Variants in BAIAP2L1 observed in about 807,000 individuals in gnomAD.
BAIAP2L1 encodes BAR/IMD domain containing adaptor protein 2 like 1, also known as BAR/IMD domain-containing adapter protein 2-like 1.
In BAIAP2L1, 35 loss-of-function variants were observed where a neutral mutation model predicts 66.3. The ratio of observed to expected loss-of-function variants is 0.53; its 90% CI spans 0.40 to 0.70. The LOEUF (loss-of-function observed/expected upper bound fraction) is 0.70. BAIAP2L1 is among the 30% of genes least tolerant of loss of function. BAIAP2L1 has a pLI of 0.00. For missense variants in BAIAP2L1, 622 were observed against 656.9 expected (o/e 0.95, Z 0.58); for synonymous variants, 269 against 248.7 (o/e 1.08, Z -0.77).
Position 98,317,292 on chromosome 7 carries a change from G to T in BAIAP2L1, c.413C>A (p.Ala138Asp). The T allele has an allele frequency of 3.7e-6, 6 of 1,614,132 alleles. No individual in the cohort carries two copies. The highest frequency in any genetic ancestry group is 5.1e-6 in the Non-Finnish European group (6 of 1,179,990). Residue 138 changes from alanine (A) to aspartate (D), a missense_variant, in exon 6 of 14, where the codon GCT (alanine) becomes GAT (aspartate). Ala to Asp is a moderately radical substitution (Grantham distance 126). Transcript: ENST00000005260. ...NKLESLEKSQAELKKIRRKSQ... is the reference protein window; with the variant it reads ...NKLESLEKSQDELKKIRRKSQ... ...TTTCCTTCTGATCTTCTTCAACTCA[G>T]CTTGGGATTTCTCCAAAGACTCTAA...
intron 1 of BAIAP2L1, among the ~76,000 whole-genome samples, chr7:98,368,076 G>C (rs1171130420): frequency 6.6e-6 from 1 of 152,052 alleles, no homozygotes; most frequent in East Asian, 1.9e-4. Context: ...CTCACCTCTG[G>C]CAATTCCTGA....
At chr7:98,395,685 A>G (rs542560698) in intron 1 of BAIAP2L1, among the ~76,000 whole-genome samples, 1 of 152,332 alleles carries the variant, frequency 6.6e-6, no homozygotes, top group East Asian at 1.9e-4. Flanking sequence ...GTCAGCAGAT[A>G]AGTTAAACTA....
In BAIAP2L1 at chr7:98,292,198, A is replaced by G. The variant is rs1196424664; in HGVS notation, c.*1323T>C. ...CTCAGCCTCATAGGATACTACACTT[A>G]TGGCAAGGCTAAAGGAGAGGGGATA... On this transcript the variant is annotated 3_prime_UTR_variant, in exon 14 of 14. Coordinates refer to ENST00000005260, the MANE Select transcript of BAIAP2L1 (RefSeq NM_018842.5). The G allele has an allele frequency of 1.1e-5, 2 of 178,314 alleles. No homozygotes were observed. The highest frequency in any genetic ancestry group is 1.1e-4 in the South Asian group (1 of 8,990). The allele number at this position is 178,314 out of a possible 1,614,324, so 11.0% of individuals were successfully genotyped here. A position where few individuals can be genotyped will look rare whatever the true frequency, so the allele number is the denominator to read the frequency against.
At chr7:98,373,404 CTATTA>C (rs1802555894) in intron 1 of BAIAP2L1, among the ~76,000 whole-genome samples, 1 of 152,102 alleles carries the variant, frequency 6.6e-6, no homozygotes, top group Non-Finnish European at 1.5e-5. Flanking sequence ...TCTATATTAG[CTATTA>C]TATTAGCTAT....
rs375313394 is a variant in BAIAP2L1 at position 98,352,470 on chromosome 7, T to C, written c.214+2572A>G. 1.2e-3 allele frequency among the ~76,000 whole-genome samples: 188 copies of C among 152,090 alleles called. 1 individual carries two copies. Among genetic ancestry groups the C allele is most frequent in the African/African-American group, 4.1e-3 (170 of 41,498 alleles). Reference sequence around the variant, plus strand: ...CAGCCTGGCCAAGATGGTGAAACCATGTGTCTACTAAAAATATGAAAATTA... The same window carrying C: ...CAGCCTGGCCAAGATGGTGAAACCACGTGTCTACTAAAAATATGAAAATTA... On this transcript the variant is annotated intron_variant, in intron 3 of 13. Coordinates refer to ENST00000005260, the MANE Select transcript of BAIAP2L1 (RefSeq NM_018842.5).
At position 98,381,594 on chromosome 7, in the gene BAIAP2L1, A is replaced by G. The variant is rs1802760213; in HGVS notation, c.52-19162T>C. On this transcript the variant is annotated intron_variant, in intron 1 of 13. Transcript: ENST00000005260. Reference sequence around the variant, plus strand: ...AGCCTGAGCTCTCTAAGGCCAACCAAGCAATTGGGACCAGTGTGATCACTG... The same window carrying G: ...AGCCTGAGCTCTCTAAGGCCAACCAGGCAATTGGGACCAGTGTGATCACTG... 2.0e-5 allele frequency among the ~76,000 whole-genome samples: 3 copies of G among 152,340 alleles called. No homozygotes were observed. In the South Asian group the frequency reaches 6.2e-4, roughly 32 times the overall value.
At chr7:98,386,377 T>A in intron 1 of BAIAP2L1, 1 of 1,594,242 alleles carries the variant, frequency 6.3e-7, no homozygotes, top group Non-Finnish European at 8.5e-7. Context: ...TCAGCAAGAC[T>A]CACTTCAAAC....
chr7:98,372,027 C>G (rs1802521413), intron 1 of BAIAP2L1, among the ~76,000 whole-genome samples: 1 of 152,160 alleles, frequency 6.6e-6, no homozygotes, highest in South Asian at 2.1e-4. Flanking sequence ...ATCTCCTGAT[C>G]TCGTGATCCA....
chr7:98,355,739 T>C (rs531702543), intron 2 of BAIAP2L1, among the ~76,000 whole-genome samples: 1 of 151,868 alleles, frequency 6.6e-6, no homozygotes, highest in East Asian at 1.9e-4. Context: ...CAAAAATAAA[T>C]ATAAAAAAAG....
chr7:98,323,145 C>T (rs1383835392), intron 3 of BAIAP2L1: 1 of 152,236 alleles, frequency 6.6e-6, no homozygotes, highest in Non-Finnish European at 1.5e-5. Flanking sequence ...GCTTCATCTT[C>T]CAGAACGGGG....
chr7:98,329,795 G>C (rs1007322590), intron 3 of BAIAP2L1, among the ~76,000 whole-genome samples: 2 of 151,884 alleles, frequency 1.3e-5, no homozygotes, highest in African/African-American at 2.4e-5. Flanking sequence ...CAAACACAGG[G>C]ATTTAAACAT....
chr7:98,343,237 G>GA (rs1186355923), intron 3 of BAIAP2L1, among the ~76,000 whole-genome samples: 5 of 123,316 alleles, frequency 4.1e-5, no homozygotes, highest in East Asian at 2.4e-4. Flanking sequence ...GTCTCTACTG[G>GA]AAAAAAAAAA....
chr7:98,317,613 T>C (rs1801115545), intron 5 of BAIAP2L1, among the ~76,000 whole-genome samples: 1 of 151,798 alleles, frequency 6.6e-6, no homozygotes, highest in Non-Finnish European at 1.5e-5. Flanking sequence ...ACCGTCTGCA[T>C]GCTGGCTGGG....
At chr7:98,386,565 T>A in intron 1 of BAIAP2L1, 1 of 1,597,014 alleles carries the variant, frequency 6.3e-7, no homozygotes, top group Non-Finnish European at 8.5e-7. Flanking sequence ...CGTAAGGCGC[T>A]TGTTCTTGCC....
chr7:98,311,034 A>T (rs1440026311), intron 8 of BAIAP2L1, among the ~76,000 whole-genome samples: 1 of 152,054 alleles, frequency 6.6e-6, no homozygotes, highest in Non-Finnish European at 1.5e-5. Context: ...CCATGTGTTC[A>T]AAGTACCTGC....
chr7:98,347,375 T>C (rs1801894921), intron 3 of BAIAP2L1, among the ~76,000 whole-genome samples: 1 of 152,216 alleles, frequency 6.6e-6, no homozygotes, highest in South Asian at 2.1e-4. Flanking sequence ...AATTTTGCAG[T>C]ATCAAAATGA....
chr7:98,316,876 T>C (rs982161172), intron 6 of BAIAP2L1, among the ~76,000 whole-genome samples: 3 of 152,056 alleles, frequency 2.0e-5, no homozygotes, highest in Non-Finnish European at 1.5e-5. Flanking sequence ...ACTTTTTTTT[T>C]TTTTTGAGAT....
intron 5 of BAIAP2L1, among the ~76,000 whole-genome samples, chr7:98,319,412 T>C (rs1233013948): frequency 6.6e-6 from 1 of 152,156 alleles, no homozygotes; most frequent in East Asian, 1.9e-4. Context: ...CAGCCTGAAG[T>C]GCTGCTGGCT....
At chr7:98,357,501 A>G (rs1330808137) in intron 2 of BAIAP2L1, among the ~76,000 whole-genome samples, 1 of 147,588 alleles carries the variant, frequency 6.8e-6, no homozygotes, top group Non-Finnish European at 1.5e-5. Flanking sequence ...CGGGAGGCAG[A>G]GGTTACAGTG....
Sources: gnomAD v4.1 joint callset for allele counts (sites outside exome capture counted in the v4.1 genomes callset) on GRCh38, gnomAD v4.1.1 for gene constraint, MANE v1.5 for transcripts, NCBI Gene and HGNC (gene_info 2026-07-23, HGNC 2026-07-21) for gene names.